ZNF17: variants seen among roughly 807,000 people sequenced by gnomAD.
ZNF17 encodes zinc finger protein 17 (HPF3, KOX 10).
ZNF17 carries 4 observed loss-of-function variants against 7.7 expected under a neutral mutation model. The observed-to-expected ratio is 0.52, with a 90% CI of 0.26 to 1.20. The LOEUF (loss-of-function observed/expected upper bound fraction) is 1.20, where lower values mean the gene tolerates loss of function less well. Ranked by LOEUF, ZNF17 falls within the 50% of genes most tolerant of loss-of-function variation. ZNF17 has a pLI of 0.14. For synonymous variants in ZNF17, 249 were observed against 258.8 expected (o/e 0.96, Z 0.36); for missense variants, 738 against 799.5 (o/e 0.92, Z 0.93).
rs1182923226 is a variant in ZNF17, at chr19:57,417,942, C to T, written c.52C>T (p.His18Tyr). 4 of 1,613,652 alleles carry T rather than the reference C, an allele frequency of 2.5e-6. No homozygotes were observed. The highest frequency in any genetic ancestry group is 1.7e-6 in the Non-Finnish European group (2 of 1,179,970). The change falls in exon 3 of 4, where the codon CAT (histidine) becomes TAT (tyrosine). Residue 18 changes from histidine to tyrosine, a missense_variant. By Grantham distance (83) the His-to-Tyr change is moderately conservative. Around this residue, in one of 3 missense-constraint regions of ZNF17, gnomAD observed 616 missense variants for 663.9 expected, o/e 0.93. Transcript: ENST00000307658. ...DYMVFEDVAI[H>Y]FSQEEWGILN... ...TATGGTTTTTGAGGACGTGGCCATA[C>T]ATTTCTCCCAGGAGGAGTGGGGAAT...
At chr19:57,418,337 C>G (rs2088824988) in intron 3 of ZNF17, among the ~76,000 whole-genome samples, 1 of 152,166 alleles carries the variant, frequency 6.6e-6, no homozygotes, top group African/African-American at 2.4e-5. Context: ...ATGCATGACA[C>G]TTTCTCTGTG....
chr19:57,411,590 G>A (rs1270338143), intron 1 of ZNF17, 184 bp downstream of exon 1: 4 of 1,417,526 alleles, frequency 2.8e-6, no homozygotes, highest in Non-Finnish European at 3.7e-6. Context: ...GCGAGGCTTA[G>A]AGGTGCTGCA....
Position 57,420,930 on chromosome 19 carries a change from G to C in ZNF17, c.1444G>C (p.Val482Leu). The change falls in exon 4 of 4, where the codon GTG (valine) becomes CTG (leucine). Residue 482 changes from valine (V) to leucine (L), a missense_variant. Around this residue, in one of 3 missense-constraint regions of ZNF17, gnomAD observed 616 missense variants for 663.9 expected, o/e 0.93. Coordinates refer to ENST00000307658, the MANE Select transcript of ZNF17 (RefSeq NM_001330617.2). ...ATGCAGTGAATGTGGCAAATTCTTT[G>C]TGGACAGCTGTACACTGAAGAGTCA... Reference protein sequence around the residue: ...YECSECGKFFVDSCTLKSHQR... With the variant: ...YECSECGKFFLDSCTLKSHQR... 1 of 1,613,188 alleles carries C rather than the reference G, an allele frequency of 6.2e-7. No homozygotes were observed. Among genetic ancestry groups the C allele is most frequent in the Non-Finnish European group, 8.5e-7 (1 of 1,179,744 alleles).
intron 3 of ZNF17, among the ~76,000 whole-genome samples, chr19:57,418,865 C>T (rs1270114519): frequency 6.8e-6 from 1 of 147,664 alleles, no homozygotes; most frequent in Non-Finnish European, 1.5e-5. Flanking sequence ...CTCCACCTCT[C>T]ACCTGTTCCC....
intron 2 of ZNF17, among the ~76,000 whole-genome samples, chr19:57,416,235 A>G (rs1019760015): frequency 6.6e-6 from 1 of 152,166 alleles, no homozygotes; most frequent in Non-Finnish European, 1.5e-5. Context: ...GCAGGATTTC[A>G]TGTGCAGAGT....
Position 57,417,906 on chromosome 19 carries a change from T to G in ZNF17, c.22-6T>G, listed in dbSNP as rs764483026. 12 of 1,613,614 alleles carry G rather than the reference T, an allele frequency of 7.4e-6. No individual in the cohort carries two copies. The African/African-American group carries it at 1.6e-4, about 22-fold the overall frequency. ...CTCACAGACTAAACTGTTATAATTT[T>G]GGCAGGATTATATGGTTTTTGAGGA... On this transcript the variant is annotated splice_polypyrimidine_tract_variant and splice_region_variant and intron_variant, in intron 2 of 3. Coordinates refer to ENST00000307658, the MANE Select transcript of ZNF17 (RefSeq NM_001330617.2).
Position 57,420,557 on chromosome 19 carries a change from A to C in ZNF17, c.1071A>C (p.Glu357Asp), listed in dbSNP as rs1568539309. 2.5e-6 allele frequency: 4 copies of C among 1,614,140 alleles called. No homozygotes were observed. Among genetic ancestry groups the C allele is most frequent in the Non-Finnish European group, 3.4e-6 (4 of 1,179,964 alleles). The change falls in exon 4 of 4, where the codon GAA (glutamate) becomes GAC (aspartate). Residue 357 changes from glutamate (E) to aspartate (D), a missense_variant. This residue lies in a region of ZNF17 where 616 missense variants were observed against 663.9 expected (regional missense o/e 0.93). Transcript: ENST00000307658. ...LIRHQKVHTG[E>D]RPFYCCECGK... is the part of the protein sequence containing the mutation. ...GACATCAGAAAGTTCACACTGGAGA[A>C]AGGCCTTTTTATTGCTGTGAATGTG...
chr19:57,420,281 A>C lies in ZNF17; in HGVS notation c.795A>C (p.Gln265His), dbSNP rs777865141. ...KAFSLKYNVVQHQKIHTGERP... is the reference protein window; with the variant it reads ...KAFSLKYNVVHHQKIHTGERP... ...TCAGCCTCAAATACAATGTTGTTCA[A>C]CACCAGAAAATTCACACTGGAGAAA... The change falls in exon 4 of 4, where the codon CAA becomes CAC. Residue 265 changes from glutamine to histidine, a missense_variant. Gln to His is a conservative substitution (Grantham distance 24). This residue lies in a region of ZNF17 where 616 missense variants were observed against 663.9 expected (regional missense o/e 0.93). Coordinates refer to ENST00000307658, the MANE Select transcript of ZNF17 (RefSeq NM_001330617.2). 9.9e-6 allele frequency: 16 copies of C among 1,614,040 alleles called. No individual in the cohort carries two copies. Among genetic ancestry groups the C allele is most frequent in the Non-Finnish European group, 1.3e-5 (15 of 1,179,984 alleles).
At chr19:57,418,077 C>T (rs1281405845) in intron 3 of ZNF17, 39 bp downstream of exon 3, 1 of 1,585,498 alleles carries the variant, frequency 6.3e-7, no homozygotes. Flanking sequence ...TTGTGCTGGG[C>T]AATGTTTTTT....
Position 57,421,816 on chromosome 19 carries a change from G to T in ZNF17, c.*335G>T. ...AAACTTAAGTTTTGGTCTTCTTGTG[G>T]TTTATTTTGTGGCTTATTTTGCTTA... On this transcript the variant is annotated 3_prime_UTR_variant, in exon 4 of 4. Transcript: ENST00000307658. The T allele has an allele frequency of 5.0e-6, 1 of 201,736 alleles. No homozygotes were observed. The highest frequency in any genetic ancestry group is 9.9e-6 in the Non-Finnish European group (1 of 101,210). The allele number at this position is 201,736 out of a possible 1,614,324, so 12.5% of individuals were successfully genotyped here. A position where few individuals can be genotyped will look rare whatever the true frequency, so the allele number is the denominator to read the frequency against.
intron 1 of ZNF17, 78 bp from the exon 2 acceptor site, chr19:57,413,518 G>T: frequency 6.7e-7 from 1 of 1,486,628 alleles, no homozygotes; most frequent in East Asian, 2.5e-5. Context: ...CTAGTTGCAG[G>T]GCCAGAGGTG....
intron 2 of ZNF17, 61 bp from the exon 3 acceptor site, chr19:57,417,845 CAAAAAA>C (rs71186259): frequency 6.7e-6 from 9 of 1,336,286 alleles, no homozygotes; most frequent in East Asian, 5.4e-5. Flanking sequence ...GACTCCATCT[CAAAAAA>C]AAAAAAAAAA....
Position 57,420,145 on chromosome 19 carries a change from A to G in ZNF17, c.659A>G (p.Tyr220Cys). 1 of 1,614,244 alleles carries G rather than the reference A, an allele frequency of 6.2e-7. No individual in the cohort carries two copies. Among genetic ancestry groups the G allele is most frequent in the Non-Finnish European group, 8.5e-7 (1 of 1,180,040 alleles). ...HQKIHTEERPYECSECGKLFR... is the reference protein window; with the variant it reads ...HQKIHTEERPCECSECGKLFR... ...AAAATCCACACAGAGGAAAGGCCTT[A>G]TGAGTGCAGTGAATGTGGCAAATTG... Residue 220 changes from tyrosine to cysteine, a missense_variant, in exon 4 of 4, where the codon TAT becomes TGT. By Grantham distance (194) the Tyr-to-Cys change is radical (BLOSUM62 -2). This residue lies in a region of ZNF17 where 616 missense variants were observed against 663.9 expected (regional missense o/e 0.93). Coordinates refer to ENST00000307658, the MANE Select transcript of ZNF17 (RefSeq NM_001330617.2).
chr19:57,419,379 G>A, intron 3 of ZNF17: 1 of 380,718 alleles, frequency 2.6e-6, no homozygotes, highest in Non-Finnish European at 4.8e-6. Context: ...ATTCACTGAG[G>A]AGTAACTTGG....
Position 57,421,667 on chromosome 19 carries a change from T to C in ZNF17, c.*186T>C. Reference sequence around the variant, plus strand: ...TCATTCACATTGTGCAATGAATATCTAGAAGTCTTTTCAACTTATGAAACT... The same window carrying C: ...TCATTCACATTGTGCAATGAATATCCAGAAGTCTTTTCAACTTATGAAACT... On this transcript the variant is annotated 3_prime_UTR_variant, in exon 4 of 4. Coordinates refer to ENST00000307658, the MANE Select transcript of ZNF17 (RefSeq NM_001330617.2). The C allele has an allele frequency of 1.6e-6, 1 of 626,344 alleles. No individual in the cohort carries two copies. The highest frequency in any genetic ancestry group is 2.5e-6 in the Non-Finnish European group (1 of 395,240). 38.8% of individuals were successfully genotyped at this position (626,344 alleles called of 1,614,324 possible).
chr19:57,419,346 G>A (rs1446092269), intron 3 of ZNF17: 1 of 317,970 alleles, frequency 3.1e-6, no homozygotes, highest in Non-Finnish European at 5.9e-6. Flanking sequence ...TTGTTCACCA[G>A]AAGCTATGGC....
rs1164162886 is a variant in ZNF17 at position 57,421,115 on chromosome 19, T to C, written c.1629T>C (p.His543=). The C allele has an allele frequency of 1.9e-6, 3 of 1,613,770 alleles. No homozygotes were observed. The highest frequency in any genetic ancestry group is 1.7e-6 in the Non-Finnish European group (2 of 1,179,774). ...AATTCTTTAGGCACAACTCAAATCA[T>C]ATTAGACATCGGAGAAATCACTTTG... The part of the protein sequence containing the change: ...CGKFFRHNSN[H]IRHRRNHFGE... The change falls in exon 4 of 4, where the codon CAT becomes CAC. Residue 543 remains histidine, a synonymous_variant. Transcript: ENST00000307658.
intron 1 of ZNF17, chr19:57,411,627 C>T (rs980091045): frequency 1.4e-5 from 19 of 1,368,596 alleles, no homozygotes; most frequent in Non-Finnish European, 1.7e-5. Context: ...GGAGCCCGAG[C>T]GTCTTTGTCT....
intron 1 of ZNF17, chr19:57,411,656 G>A: frequency 7.4e-7 from 1 of 1,346,638 alleles, no homozygotes; most frequent in Non-Finnish European, 9.5e-7. Flanking sequence ...CTGAGGGTGA[G>A]GCGGAGTCTC....
Sources: allele counts gnomAD v4.1 joint callset (sites outside exome capture counted in the v4.1 genomes callset), GRCh38; gene constraint gnomAD v4.1.1; regional missense constraint gnomAD v4.1.1; transcripts MANE v1.5; gene names NCBI Gene and HGNC (gene_info 2026-07-23, HGNC 2026-07-21).